MMP12: variants seen among roughly 807,000 people sequenced by gnomAD.
The protein encoded by MMP12 is matrix metallopeptidase 12.
In MMP12, 51 loss-of-function variants were observed where a neutral mutation model predicts 45.2. The observed-to-expected ratio is 1.13, with a 90% CI of 0.90 to 1.42. The LOEUF (loss-of-function observed/expected upper bound fraction) is 1.42, where lower values mean the gene tolerates loss of function less well. Ranked by LOEUF, MMP12 falls within the 40% of genes most tolerant of loss-of-function variation. The pLI is 0.00. For synonymous variants in MMP12, 210 were observed against 193.3 expected (o/e 1.09, Z -0.72); for missense variants, 530 against 570.8 (o/e 0.93, Z 0.73).
At chr11:102,863,974 A>C (rs1469184176) in intron 9 of MMP12, among the ~76,000 whole-genome samples, 172 bp downstream of exon 9, 1 of 152,198 alleles carries the variant, frequency 6.6e-6, no homozygotes, top group Non-Finnish European at 1.5e-5. Context: ...GCCCCTGCTC[A>C]TTCTAACTCT....
chr11:102,873,755 A>G (rs914801175), intron 1 of MMP12, among the ~76,000 whole-genome samples: 2 of 152,180 alleles, frequency 1.3e-5, no homozygotes, highest in Non-Finnish European at 2.9e-5. Context: ...CAGGCTGGCC[A>G]CAGTGGTGCA....
chr11:102,873,512 A>C (rs1859539390), intron 1 of MMP12, among the ~76,000 whole-genome samples: 1 of 152,076 alleles, frequency 6.6e-6, no homozygotes, highest in African/African-American at 2.4e-5. Context: ...AGGTGAGAGG[A>C]TCACTTGAGC....
chr11:102,866,414 T>C lies in MMP12; in HGVS notation c.946A>G (p.Thr316Ala). 1 of 1,610,256 alleles carries C rather than the reference T, an allele frequency of 6.2e-7. No individual in the cohort carries two copies. Among genetic ancestry groups the C allele is most frequent in the Non-Finnish European group, 8.5e-7 (1 of 1,178,306 alleles). Residue 316 changes from threonine to alanine, a missense_variant, in exon 7 of 10, where the codon ACC (threonine) becomes GCC (alanine). By Grantham distance (58) the Thr-to-Ala change is moderately conservative. Coordinates refer to ENST00000571244, the MANE Select transcript of MMP12 (RefSeq NM_002426.6). ...AAGGAAGAAATTAAATTAACACTGG[T>C]CTTTGGTCTCTCAGAAACCTTCAGC... is the stretch of plus-strand genomic sequence containing the variant. ...FWLKVSERPK[T>A]SVNLISSLWP... is the part of the protein sequence containing the mutation.
chr11:102,866,166 G>C (rs1033688885), intron 7 of MMP12, 149 bp downstream of exon 7: 1 of 894,272 alleles, frequency 1.1e-6, no homozygotes, highest in African/African-American at 1.7e-5. Context: ...AGGTATTTAG[G>C]CTATTTTAGT....
chr11:102,866,370 A>G lies in MMP12; in HGVS notation c.990T>C (p.Ser330=). Residue 330 remains serine, a synonymous_variant, in exon 7 of 10, where the codon TCT becomes TCC. Transcript: ENST00000571244. ...LISSLWPTLP[S]GIEAAYEIEA... ...CAATTTCATAAGCAGCTTCAATGCC[A>G]GATGGCAAGGTTGGCCATAAGGAAG... is the stretch of plus-strand genomic sequence containing the variant. The G allele has an allele frequency of 6.2e-7, 1 of 1,604,256 alleles. No homozygotes were observed.
chr11:102,873,555 G>T (rs901561252), intron 1 of MMP12, among the ~76,000 whole-genome samples: 1 of 152,104 alleles, frequency 6.6e-6, no homozygotes, highest in East Asian at 1.9e-4. Flanking sequence ...AGCCGTGATT[G>T]TACCACTGCA....
chr11:102,873,129 A>G lies in MMP12; in HGVS notation c.103-17T>C, dbSNP rs201533418. ...TAAGTATCTCTGGAAAAAAAAATACATTCAGCAATGTGTAAGTACACACAG... is the reference window on the plus strand; with the variant it reads ...TAAGTATCTCTGGAAAAAAAAATACGTTCAGCAATGTGTAAGTACACACAG... On this transcript the variant is annotated splice_polypyrimidine_tract_variant and intron_variant, in intron 1 of 9. Coordinates refer to ENST00000571244, the MANE Select transcript of MMP12 (RefSeq NM_002426.6). The G allele has an allele frequency of 1.7e-5, 28 of 1,607,028 alleles. No homozygotes were observed. The highest frequency in any genetic ancestry group is 1.7e-5 in the Admixed American group (1 of 59,230).
At position 102,873,034 on chromosome 11, in the gene MMP12, T is replaced by C. The variant is rs1422753499; in HGVS notation, c.181A>G (p.Lys61Glu). 4.3e-6 allele frequency: 7 copies of C among 1,612,952 alleles called. No homozygotes were observed. The East Asian group carries it at 1.1e-4, about 26-fold the overall frequency. The change falls in exon 2 of 10, where the codon AAG becomes GAG. Residue 61 changes from lysine to glutamate, a missense_variant. By Grantham distance (56) the Lys-to-Glu change is moderately conservative. Coordinates refer to ENST00000571244, the MANE Select transcript of MMP12 (RefSeq NM_002426.6). ...TGCTGCATTTCTTGGATTTTTTCCT[T>C]CATTAAGTTTCCACTATATTTCATT... The part of the protein sequence containing the change: ...TKMKYSGNLM[K>E]EKIQEMQHFL...
In MMP12 at chr11:102,866,459, A is replaced by G; in HGVS notation, c.912-11T>C. 2 of 1,610,404 alleles carry G rather than the reference A, an allele frequency of 1.2e-6. No individual in the cohort carries two copies. Among genetic ancestry groups the G allele is most frequent in the Non-Finnish European group, 1.7e-6 (2 of 1,178,456 alleles). ...TTCAGCCAGAAGAACCTGACATGAA[A>G]GACATTTGACACATGTTAAAAGACA... On this transcript the variant is annotated splice_polypyrimidine_tract_variant and intron_variant, in intron 6 of 9. Coordinates refer to ENST00000571244, the MANE Select transcript of MMP12 (RefSeq NM_002426.6).
At chr11:102,874,719 T>A in intron 1 of MMP12, 117 bp downstream of exon 1, 1 of 670,956 alleles carries the variant, frequency 1.5e-6, no homozygotes, top group South Asian at 2.1e-5. Context: ...CCTAGACCAA[T>A]TTTCAGCTGA....
intron 2 of MMP12, among the ~76,000 whole-genome samples, chr11:102,872,505 T>C (rs909871106): frequency 5.9e-5 from 9 of 152,160 alleles, no homozygotes; most frequent in African/African-American, 2.2e-4. Flanking sequence ...CACGCCCAGC[T>C]AATTTTTTTG....
At chr11:102,867,074 A>G (rs1859402031) in intron 6 of MMP12, among the ~76,000 whole-genome samples, 196 bp downstream of exon 6, 1 of 152,188 alleles carries the variant, frequency 6.6e-6, no homozygotes, top group Non-Finnish European at 1.5e-5. Context: ...CCAGTTTTCT[A>G]GTTAAAACAC....
intron 9 of MMP12, 113 bp downstream of exon 9, chr11:102,864,033 G>A (rs569732802): frequency 1.6e-5 from 13 of 789,290 alleles, no homozygotes; most frequent in Non-Finnish European, 2.7e-5. Context: ...GGCCCTATGG[G>A]GAACTGCAGA....
chr11:102,874,816 A>G lies in MMP12; in HGVS notation c.102+20T>C, dbSNP rs1555009853. ...AAGACAAACATCAAGCTCGATAAAT[A>G]CTGTAGTGTCCATACTTACTTCACC... On this transcript the variant is annotated intron_variant, in intron 1 of 9. Transcript: ENST00000571244. 1 of 1,414,668 alleles carries G rather than the reference A, an allele frequency of 7.1e-7. No individual in the cohort carries two copies. The highest frequency in any genetic ancestry group is 1.8e-5 in the Admixed American group (1 of 54,352). 87.6% of individuals were successfully genotyped at this position (1,414,668 alleles called of 1,614,324 possible). A position where few individuals can be genotyped will look rare whatever the true frequency, so the allele number is the denominator to read the frequency against.
At chr11:102,867,690 T>C (rs1859417361) in intron 5 of MMP12, among the ~76,000 whole-genome samples, 1 of 152,156 alleles carries the variant, frequency 6.6e-6, no homozygotes, top group South Asian at 2.1e-4. Context: ...ACACCAGACT[T>C]GAGGCCTCTG....
At position 102,871,798 on chromosome 11, in the gene MMP12, C is replaced by T. The variant is rs782219566; in HGVS notation, c.499+6G>A. ...AAATGACAAAGATGAAATACAAGTT[C>T]CCTACCTCCACGGGCAAAAACCACC... On this transcript the variant is annotated splice_donor_region_variant and intron_variant, in intron 3 of 9. Coordinates refer to ENST00000571244, the MANE Select transcript of MMP12 (RefSeq NM_002426.6). The T allele has an allele frequency of 6.2e-7, 1 of 1,613,092 alleles. No homozygotes were observed. The highest frequency in any genetic ancestry group is 8.5e-7 in the Non-Finnish European group (1 of 1,179,494).
At chr11:102,871,754 A>G in intron 3 of MMP12, 35 bp from the exon 4 acceptor site, 1 of 1,613,654 alleles carries the variant, frequency 6.2e-7, no homozygotes, top group Non-Finnish European at 8.5e-7. Flanking sequence ...GTCCTTCTAT[A>G]CATCCTATAG....
Position 102,867,391 on chromosome 11 carries a change from C to T in MMP12, c.790G>A (p.Asp264Asn). 8 of 1,604,712 alleles carry T rather than the reference C, an allele frequency of 5.0e-6. No individual in the cohort carries two copies. Among genetic ancestry groups the T allele is most frequent in the African/African-American group, 1.3e-5 (1 of 74,602 alleles). ...GGCAAGCGTTGGTTCTCTTTTGGGT[C>T]TCCTGAAAATACATTTCGAGAAGCA... ...DIRGIQSLYG[D>N]PKENQRLPNP... is the part of the protein sequence containing the mutation. The change falls in exon 6 of 10, where the codon GAC becomes AAC. Residue 264 changes from aspartate to asparagine, a missense_variant and splice_region_variant. By Grantham distance (23) the Asp-to-Asn change is conservative. Coordinates refer to ENST00000571244, the MANE Select transcript of MMP12 (RefSeq NM_002426.6).
At position 102,863,175 on chromosome 11, in the gene MMP12, A is replaced by T. The variant is rs1321605785; in HGVS notation, c.1338T>A (p.Ser446=). 6.2e-7 allele frequency: 1 copy of T among 1,605,210 alleles called. No homozygotes were observed. The highest frequency in any genetic ancestry group is 1.7e-5 in the Admixed American group (1 of 59,402). Residue 446 remains serine, a synonymous_variant, in exon 10 of 10, where the codon TCT becomes TCA. Coordinates refer to ENST00000571244, the MANE Select transcript of MMP12 (RefSeq NM_002426.6). ...KNKYYYFFQG[S]NQFEYDFLLQ... is the part of the protein sequence containing the mutation. ...GTAGGAAGTCATATTCAAATTGGTTAGATCCTTGGAAGAAATAGTAGTATT... is the reference window on the plus strand; with the variant it reads ...GTAGGAAGTCATATTCAAATTGGTTTGATCCTTGGAAGAAATAGTAGTATT...
Sources: allele counts gnomAD v4.1 joint callset (sites outside exome capture counted in the v4.1 genomes callset), GRCh38; gene constraint gnomAD v4.1.1; transcripts MANE v1.5; gene names NCBI Gene and HGNC (gene_info 2026-07-23, HGNC 2026-07-21).